The following BCAS3 variants were observed in gnomAD, a reference collection of about 807,000 sequenced individuals.
BCAS3 encodes the protein BCAS4/BCAS3 fusion.
In BCAS3, 53 loss-of-function variants were observed where a neutral mutation model predicts 116.1. The ratio of observed to expected loss-of-function variants is 0.46; its 90% CI spans 0.37 to 0.57. The LOEUF (loss-of-function observed/expected upper bound fraction) is 0.57. BCAS3 is among the 20% of genes least tolerant of loss of function. The pLI is 0.00. For synonymous variants in BCAS3, 391 were observed against 408.2 expected (o/e 0.96, Z 0.51); for missense variants, 917 against 1,165.4 (o/e 0.79, Z 3.10).
intron 23 of BCAS3, among the ~76,000 whole-genome samples, chr17:61,371,219 T>C (rs1014013154): frequency 4.6e-5 from 7 of 152,198 alleles, no homozygotes; most frequent in Admixed American, 4.6e-4. Flanking sequence ...GTTACATAGG[T>C]GTAGCCAGCC....
chr17:60,809,843 A>G (rs2048632928), intron 7 of BCAS3, among the ~76,000 whole-genome samples: 1 of 152,220 alleles, frequency 6.6e-6, no homozygotes, highest in Non-Finnish European at 1.5e-5. Flanking sequence ...TCCTCTGTTG[A>G]GTAGTTGGCT....
chr17:61,215,933 A>G lies in BCAS3; in HGVS notation c.2425+131369A>G, dbSNP rs947276953. Among the ~76,000 whole-genome samples, 96 of 152,214 alleles carry G rather than the reference A, an allele frequency of 6.3e-4. No homozygotes were observed. Among genetic ancestry groups the G allele is most frequent in the Non-Finnish European group, 4.4e-5 (3 of 68,040 alleles). ...GTCAGATCTCTGTGCTTTTCAGGAT[A>G]TAATAGGTAAATCCACTTCTCTAGT... On this transcript the variant is annotated intron_variant, in intron 22 of 23. Coordinates refer to ENST00000407086, the MANE Select transcript of BCAS3 (RefSeq NM_017679.5). This position sits in a 1 kb window ranked among gnomAD's most constrained non-coding sequence, Gnocchi z 4.8.
intron 20 of BCAS3, among the ~76,000 whole-genome samples, chr17:61,076,798 A>G (rs774570177): frequency 7.9e-5 from 12 of 152,176 alleles, no homozygotes; most frequent in Non-Finnish European, 1.5e-4. Flanking sequence ...CCTAATTTAC[A>G]TTGCTGAATA....
At chr17:60,869,347 C>T (rs962413998) in intron 8 of BCAS3, among the ~76,000 whole-genome samples, 4 of 152,146 alleles carry the variant, frequency 2.6e-5, no homozygotes, top group African/African-American at 9.7e-5. Context: ...CAAACTGAAG[C>T]CCTGGGATGG....
intron 14 of BCAS3, among the ~76,000 whole-genome samples, chr17:60,982,276 C>G (rs1216983507): frequency 6.6e-6 from 1 of 152,016 alleles, no homozygotes; most frequent in Non-Finnish European, 1.5e-5. Flanking sequence ...CATTTTTCTT[C>G]TTTTAAGCAG....
Position 61,285,297 on chromosome 17 carries a change from C to A in BCAS3, c.2426-83030C>A, listed in dbSNP as rs1175889816. Among the ~76,000 whole-genome samples the A allele has an allele frequency of 6.6e-6, 1 of 151,346 alleles. No individual in the cohort carries two copies. The highest frequency in any genetic ancestry group is 1.5e-5 in the Non-Finnish European group (1 of 67,990). Reference sequence around the variant, plus strand: ...GCAGCAAAGGAAGGGGAAACAAATACAACAGTGCACGGCAGAGTCCCTGCT... The same window carrying A: ...GCAGCAAAGGAAGGGGAAACAAATAAAACAGTGCACGGCAGAGTCCCTGCT... On this transcript the variant is annotated intron_variant, in intron 22 of 23. Coordinates refer to ENST00000407086, the MANE Select transcript of BCAS3 (RefSeq NM_017679.5). The surrounding 1 kb of genome is among the most constrained non-coding windows in gnomAD (Gnocchi z 5.4).
At chr17:61,328,843 C>T (rs1195095127) in intron 22 of BCAS3, among the ~76,000 whole-genome samples, 2 of 151,656 alleles carry the variant, frequency 1.3e-5, no homozygotes, top group East Asian at 3.9e-4. Flanking sequence ...TACAGGTAGC[C>T]ATCGTCTTTC....
In BCAS3 at chr17:61,004,446, A is replaced by G. The variant is rs2064503371; in HGVS notation, c.1487-11305A>G. 6.6e-6 allele frequency among the ~76,000 whole-genome samples: 1 copy of G among 152,008 alleles called. No homozygotes were observed. The highest frequency in any genetic ancestry group is 1.5e-5 in the Non-Finnish European group (1 of 67,964). The stretch of plus-strand genomic sequence containing the variant: ...GCTTCTTAGGATTTGTAGTAGCCAG[A>G]GTTTGAATGATTGACCCATATGAAC... On this transcript the variant is annotated intron_variant, in intron 15 of 23. Transcript: ENST00000407086. This position sits in a 1 kb window ranked among gnomAD's most constrained non-coding sequence, Gnocchi z 4.8.
intron 22 of BCAS3, among the ~76,000 whole-genome samples, chr17:61,340,093 A>C (rs2057029112): frequency 6.6e-6 from 1 of 152,182 alleles, no homozygotes; most frequent in African/African-American, 2.4e-5. Flanking sequence ...AAAGAGAGAA[A>C]GGGAGGAAAG....
intron 10 of BCAS3, among the ~76,000 whole-genome samples, chr17:60,902,109 T>C (rs2057937047): frequency 6.6e-6 from 1 of 152,238 alleles, no homozygotes; most frequent in Non-Finnish European, 1.5e-5. Context: ...AATATACTTG[T>C]CATAGTTGAT....
At chr17:60,776,720 A>C (rs77509315) in intron 6 of BCAS3, among the ~76,000 whole-genome samples, 1 of 144,124 alleles carries the variant, frequency 6.9e-6, no homozygotes, top group East Asian at 2.0e-4. Context: ...CTCCGTCTCA[A>C]AAAAAAAAAA....
intron 7 of BCAS3, among the ~76,000 whole-genome samples, chr17:60,836,105 A>C (rs949039415): frequency 3.3e-5 from 5 of 152,100 alleles, no homozygotes; most frequent in Middle Eastern, 3.2e-3. Context: ...GCCCGCATAC[A>C]TTTATAGCCT....
intron 14 of BCAS3, among the ~76,000 whole-genome samples, chr17:60,947,633 G>A (rs1034324780): frequency 1.3e-5 from 2 of 152,046 alleles, no homozygotes; most frequent in East Asian, 3.8e-4. Context: ...CTTGCCCCAG[G>A]GAAAACTCCT....
chr17:61,153,310 T>G (rs1231668265), intron 22 of BCAS3, among the ~76,000 whole-genome samples: 1 of 152,360 alleles, frequency 6.6e-6, no homozygotes, highest in East Asian at 1.9e-4. Flanking sequence ...TGTTAGTTGC[T>G]AAGTCTCCAG....
Position 61,354,454 on chromosome 17 carries a change from G to C in BCAS3, c.2426-13873G>C, listed in dbSNP as rs1167272176. 10 of 152,264 alleles carry C rather than the reference G, an allele frequency of 6.6e-5. No homozygotes were observed. Among genetic ancestry groups the C allele is most frequent in the Non-Finnish European group, 1.3e-4 (9 of 68,128 alleles). 9.4% of individuals were successfully genotyped at this position (152,264 alleles called of 1,614,324 possible). On this transcript the variant is annotated intron_variant, in intron 22 of 23. Coordinates refer to ENST00000407086, the MANE Select transcript of BCAS3 (RefSeq NM_017679.5). This position sits in a 1 kb window ranked among gnomAD's most constrained non-coding sequence, Gnocchi z 4.5. ...CTCTGTGCAAGGTGCAAGGTCCTCTGCCCACCTGAAGCCTCAAGGCCTGAT... is the reference window on the plus strand; with the variant it reads ...CTCTGTGCAAGGTGCAAGGTCCTCTCCCCACCTGAAGCCTCAAGGCCTGAT...
At chr17:61,005,021 A>C (rs565093052) in intron 15 of BCAS3, among the ~76,000 whole-genome samples, 1 of 152,148 alleles carries the variant, frequency 6.6e-6, no homozygotes, top group Non-Finnish European at 1.5e-5. Flanking sequence ...CTCATAAATG[A>C]ATATAGTTTT....
At chr17:60,772,096 C>G (rs1358158393) in intron 6 of BCAS3, among the ~76,000 whole-genome samples, 1 of 152,104 alleles carries the variant, frequency 6.6e-6, no homozygotes, top group South Asian at 2.1e-4. Context: ...GGGTCAAATG[C>G]TATTTCTAGT....
At chr17:60,985,295 G>A (rs1045360034) in intron 14 of BCAS3, among the ~76,000 whole-genome samples, 15 of 151,596 alleles carry the variant, frequency 9.9e-5, no homozygotes, top group South Asian at 4.2e-4. Flanking sequence ...ACAGGCATGC[G>A]CCACTATGCC....
chr17:60,868,273 C>T (rs766720734), intron 7 of BCAS3, among the ~76,000 whole-genome samples: 54 of 152,126 alleles, frequency 3.5e-4, no homozygotes, highest in Non-Finnish European at 7.2e-4. Context: ...GATCCACCTG[C>T]CTCGGCCTCC....
Sources: gnomAD v4.1 joint callset for allele counts (sites outside exome capture counted in the v4.1 genomes callset) on GRCh38, gnomAD v4.1.1 for gene constraint, Gnocchi (gnomAD v3.1) non-coding constraint, MANE v1.5 for transcripts, NCBI Gene and HGNC (gene_info 2026-07-23, HGNC 2026-07-21) for gene names.